CNTN5: variants seen among roughly 807,000 people sequenced by gnomAD.
CNTN5 encodes the protein contactin-5.
In CNTN5, 77 loss-of-function variants were observed where a neutral mutation model predicts 129.1. The observed-to-expected ratio is 0.60, with a 90% CI of 0.50 to 0.72. The LOEUF is 0.72. Among genes scored for constraint, CNTN5 ranks in the 30% least tolerant of loss-of-function variants. The probability of loss-of-function intolerance (pLI) is 0.00; values close to 1 mark genes in which losing one functional copy is unlikely to be tolerated. For missense variants in CNTN5, 1,478 were observed against 1,328.8 expected, an observed-to-expected ratio of 1.11 and a Z score of -1.75; for synonymous variants, 509 against 465.6, an observed-to-expected ratio of 1.09 and a Z score of -1.20.
At chr11:99,664,405 G>A (rs1363695025) in intron 3 of CNTN5, among the ~76,000 whole-genome samples, 1 of 152,074 alleles carries the variant, frequency 6.6e-6, no homozygotes, top group Non-Finnish European at 1.5e-5. Flanking sequence ...CCCACCAGTA[G>A]AGTAGAGAGA....
At chr11:100,106,112 C>T (rs61908115) in intron 13 of CNTN5, among the ~76,000 whole-genome samples, 6 of 152,038 alleles carry the variant, frequency 3.9e-5, no homozygotes, top group African/African-American at 1.4e-4. Context: ...CCACAAAGGG[C>T]GATTCAGGGA....
chr11:99,051,472 C>A (rs903505823), intron 1 of CNTN5, among the ~76,000 whole-genome samples: 1 of 151,822 alleles, frequency 6.6e-6, no homozygotes, highest in Admixed American at 6.6e-5. Context: ...AATTTTTCTG[C>A]GGTGATTTCA....
chr11:100,107,242 A>G (rs1945473063), intron 13 of CNTN5, among the ~76,000 whole-genome samples: 1 of 152,100 alleles, frequency 6.6e-6, no homozygotes, highest in African/African-American at 2.4e-5. Context: ...CATGCCAGGT[A>G]TCCTGCAGAT....
intron 3 of CNTN5, among the ~76,000 whole-genome samples, chr11:99,594,326 G>A (rs1340325686): frequency 6.6e-6 from 1 of 152,116 alleles, no homozygotes; most frequent in African/African-American, 2.4e-5. Context: ...ACTGTGAAAA[G>A]CTGCAGCTAA....
At chr11:99,436,565 G>A (rs990938277) in intron 2 of CNTN5, among the ~76,000 whole-genome samples, 18 of 152,090 alleles carry the variant, frequency 1.2e-4, no homozygotes, top group South Asian at 8.3e-4. Flanking sequence ...TCTCAAGATC[G>A]TGTTTATGAC....
intron 15 of CNTN5, among the ~76,000 whole-genome samples, chr11:100,194,927 T>A (rs914259568): frequency 5.9e-5 from 9 of 151,940 alleles, no homozygotes; most frequent in Non-Finnish European, 1.0e-4. Flanking sequence ...AGTATATAAA[T>A]AAGAAACAAT....
intron 2 of CNTN5, among the ~76,000 whole-genome samples, chr11:99,413,110 T>C (rs888103670): frequency 6.6e-6 from 1 of 152,212 alleles, no homozygotes; most frequent in Non-Finnish European, 1.5e-5. Context: ...GAGCAGCATC[T>C]GTCTCTGCCA....
At chr11:99,916,263 T>C (rs1949787969) in intron 7 of CNTN5, 114 bp downstream of exon 7, 2 of 729,658 alleles carry the variant, frequency 2.7e-6, no homozygotes, top group Non-Finnish European at 4.6e-6. Context: ...CATGGTTTTC[T>C]TGACATCTAT....
chr11:99,098,621 C>A (rs570343672), intron 1 of CNTN5, among the ~76,000 whole-genome samples: 1 of 152,116 alleles, frequency 6.6e-6, no homozygotes, highest in African/African-American at 2.4e-5. Flanking sequence ...CGATAGTCTT[C>A]GATTGTTTAA....
chr11:100,193,857 GT>G (rs1948565066), intron 15 of CNTN5, among the ~76,000 whole-genome samples, 194 bp downstream of exon 15: 2 of 151,696 alleles, frequency 1.3e-5, no homozygotes, highest in African/African-American at 4.8e-5. Context: ...AAAACCCCCA[GT>G]AAAAAACTGA....
chr11:100,064,979 A>C (rs527745090), intron 10 of CNTN5, among the ~76,000 whole-genome samples: 2 of 152,226 alleles, frequency 1.3e-5, no homozygotes, highest in Admixed American at 6.6e-5. Context: ...GTGAGTTTAA[A>C]TGTGTATCAT....
At chr11:99,189,912 G>A (rs1235983479) in intron 1 of CNTN5, among the ~76,000 whole-genome samples, 1 of 151,460 alleles carries the variant, frequency 6.6e-6, no homozygotes, top group Non-Finnish European at 1.5e-5. Flanking sequence ...TTAGTTTGAT[G>A]TAATCCCATT....
intron 6 of CNTN5, among the ~76,000 whole-genome samples, chr11:99,882,238 T>C (rs1948789619): frequency 6.6e-6 from 1 of 152,216 alleles, no homozygotes; most frequent in African/African-American, 2.4e-5. Flanking sequence ...CAGTAAGTGA[T>C]CTAGATACTC....
At chr11:100,309,275 T>C in intron 21 of CNTN5, 2 of 984,206 alleles carry the variant, frequency 2.0e-6, no homozygotes, top group Non-Finnish European at 2.4e-6. Context: ...TCTTGTGTCT[T>C]GAACAATGAT....
intron 1 of CNTN5, among the ~76,000 whole-genome samples, chr11:99,070,556 G>A (rs1865302253): frequency 6.6e-6 from 1 of 151,722 alleles, no homozygotes; most frequent in South Asian, 2.1e-4. Flanking sequence ...TGGACCAAGA[G>A]ATAGACAAAT....
At chr11:99,371,657 ATCAGTCTGTCAGTG>A (rs1259542355) in intron 2 of CNTN5, among the ~76,000 whole-genome samples, 1 of 152,210 alleles carries the variant, frequency 6.6e-6, no homozygotes, top group East Asian at 1.9e-4. Flanking sequence ...GCTTACAGAG[ATCAGTCTGTCAGTG>A]TCAGACTTTT....
intron 1 of CNTN5, among the ~76,000 whole-genome samples, chr11:99,146,054 A>G (rs1859768710): frequency 6.6e-6 from 1 of 152,126 alleles, no homozygotes; most frequent in South Asian, 2.1e-4. Flanking sequence ...TATAAACTTA[A>G]TAGATCCATG....
rs371831732 is a variant in CNTN5, at chr11:99,679,920, C to T, written c.55+123651C>T. Among the ~76,000 whole-genome samples, 608 of 152,276 alleles carry T rather than the reference C, an allele frequency of 4.0e-3. 5 individuals carry two copies. Among genetic ancestry groups the T allele is most frequent in the African/African-American group, 0.013 (529 of 41,566 alleles). On this transcript the variant is annotated intron_variant, in intron 3 of 24. Coordinates refer to ENST00000524871, the MANE Select transcript of CNTN5 (RefSeq NM_014361.4). ...AAATAATAAGAAAGTGAAACAGCTG[C>T]ATTCCTGATGTAGAGACAGTTTGAG... is the stretch of plus-strand genomic sequence containing the variant.
At chr11:100,289,264 G>C (rs371641715) in intron 18 of CNTN5, among the ~76,000 whole-genome samples, 26 of 150,218 alleles carry the variant, frequency 1.7e-4, no homozygotes, top group Non-Finnish European at 2.2e-4. Context: ...TTTTATGAGG[G>C]CAGCATCATC....
Sources: allele counts gnomAD v4.1 joint callset (sites outside exome capture counted in the v4.1 genomes callset), GRCh38; gene constraint gnomAD v4.1.1; transcripts MANE v1.5; gene names NCBI Gene and HGNC (gene_info 2026-07-23, HGNC 2026-07-21).